Variants in ZBTB38 observed in about 807,000 individuals in gnomAD.
ZBTB38 encodes the protein zinc finger and BTB domain-containing protein 38.
In ZBTB38, 20 loss-of-function variants were observed where a neutral mutation model predicts 76.8. The ratio of observed to expected loss-of-function variants is 0.26; its 90% CI spans 0.18 to 0.38. The LOEUF (loss-of-function observed/expected upper bound fraction) is 0.38. ZBTB38 is among the 10% of genes least tolerant of loss of function. The pLI is 1.00. For synonymous variants in ZBTB38, 504 were observed against 544.2 expected (o/e 0.93, Z 1.03); for missense variants, 1,082 against 1,482.3 (o/e 0.73, Z 4.43).
At chr3:141,370,342 C>G (rs1197183711) in intron 2 of ZBTB38, among the ~76,000 whole-genome samples, 1 of 152,176 alleles carries the variant, frequency 6.6e-6, no homozygotes, top group Non-Finnish European at 1.5e-5. Context: ...ATGGGCTCTG[C>G]CTAGAAGTGG....
chr3:141,390,897 G>A (rs1035385937), intron 4 of ZBTB38, among the ~76,000 whole-genome samples: 3 of 152,336 alleles, frequency 2.0e-5, no homozygotes, highest in Admixed American at 6.5e-5. Flanking sequence ...GCTCATGCCT[G>A]TAACCCCAAC....
At chr3:141,403,488 GA>G (rs1210324940) in intron 4 of ZBTB38, among the ~76,000 whole-genome samples, 1 of 152,228 alleles carries the variant, frequency 6.6e-6, no homozygotes, top group Non-Finnish European at 1.5e-5. Flanking sequence ...GAGAAGAATA[GA>G]AAAAATAACG....
intron 5 of ZBTB38, among the ~76,000 whole-genome samples, chr3:141,434,435 T>C (rs1559958171): frequency 6.6e-6 from 1 of 152,044 alleles, no homozygotes; most frequent in Non-Finnish European, 1.5e-5. Context: ...GTGGGGAGGC[T>C]AGGATGGAGA....
In ZBTB38 at chr3:141,449,592, C is replaced by T. The variant is rs1033897065; in HGVS notation, c.*3616C>T. ...GTGGCTCAGGCAGCACAGTCCATCA[C>T]CAACACAGAGAAAATTACTGCCAGG... is the stretch of plus-strand genomic sequence containing the variant. On this transcript the variant is annotated 3_prime_UTR_variant, in exon 6 of 6. Coordinates refer to ENST00000321464, the MANE Select transcript of ZBTB38 (RefSeq NM_001376113.1). 6.6e-6 allele frequency: 1 copy of T among 152,278 alleles called. No individual in the cohort carries two copies. The highest frequency in any genetic ancestry group is 1.9e-4 in the East Asian group (1 of 5,178). The allele number at this position is 152,278 out of a possible 1,614,324, so 9.4% of individuals were successfully genotyped here. A position where few individuals can be genotyped will look rare whatever the true frequency, so the allele number is the denominator to read the frequency against.
At chr3:141,418,248 G>T (rs367851976) in intron 5 of ZBTB38, among the ~76,000 whole-genome samples, 2 of 152,080 alleles carry the variant, frequency 1.3e-5, no homozygotes, top group African/African-American at 2.4e-5. Flanking sequence ...ATCTCCTAGC[G>T]CAGCCCTGCA....
chr3:141,328,407 A>G (rs1156372804), intron 1 of ZBTB38, among the ~76,000 whole-genome samples: 3 of 151,728 alleles, frequency 2.0e-5, no homozygotes, highest in African/African-American at 7.3e-5. Context: ...TGAAGCCACT[A>G]CTCTTTTCTT....
intron 1 of ZBTB38, among the ~76,000 whole-genome samples, chr3:141,348,580 C>T (rs955286565): frequency 7.2e-5 from 11 of 152,206 alleles, no homozygotes; most frequent in African/African-American, 2.7e-4. Flanking sequence ...GGGCCCTCAA[C>T]TAAAGCAAGT....
chr3:141,330,285 C>T (rs1292342751), intron 1 of ZBTB38, among the ~76,000 whole-genome samples: 7 of 152,216 alleles, frequency 4.6e-5, no homozygotes, highest in African/African-American at 1.7e-4. Flanking sequence ...AATGCGCTCT[C>T]CTGACTAAGG....
intron 5 of ZBTB38, among the ~76,000 whole-genome samples, chr3:141,418,775 T>A (rs2074678643): frequency 2.0e-5 from 3 of 152,248 alleles, no homozygotes; most frequent in Admixed American, 2.0e-4. Flanking sequence ...GGTCTCTATA[T>A]TCACTGCCTT....
At chr3:141,340,991 A>AAAGAAAGAAAGAAAGAAAGAAAGG (rs1553760103) in intron 1 of ZBTB38, among the ~76,000 whole-genome samples, 1 of 98,494 alleles carries the variant, frequency 1.0e-5, no homozygotes, top group Non-Finnish European at 2.4e-5. Context: ...AGAAAGAAAG[A>AAAGAAAGAAAGAAAGAAAGAAAGG]GAAAGAAGAA....
chr3:141,331,107 C>G (rs960868591), intron 1 of ZBTB38, among the ~76,000 whole-genome samples: 2 of 152,236 alleles, frequency 1.3e-5, no homozygotes, highest in African/African-American at 4.8e-5. Flanking sequence ...CTAGCAGCAT[C>G]TCTTTGAACT....
At chr3:141,361,262 C>T (rs918831271) in intron 1 of ZBTB38, among the ~76,000 whole-genome samples, 1 of 151,960 alleles carries the variant, frequency 6.6e-6, no homozygotes, top group Non-Finnish European at 1.5e-5. Flanking sequence ...GCAAAATATT[C>T]TCTGCTTTTT....
intron 2 of ZBTB38, among the ~76,000 whole-genome samples, chr3:141,371,045 C>CTTTTTTTTTT (rs754872291): frequency 0.015 from 1,076 of 71,990 alleles, 165 homozygotes; most frequent in Non-Finnish European, 0.022. Flanking sequence ...TTCTTTCTTT[C>CTTTTTTTTTT]TTTTTTTTTT....
chr3:141,414,897 C>T (rs1413739486), intron 5 of ZBTB38, among the ~76,000 whole-genome samples: 1 of 152,150 alleles, frequency 6.6e-6, no homozygotes, highest in East Asian at 1.9e-4. Context: ...CTTTATTGAC[C>T]TTCCACACAC....
intron 5 of ZBTB38, among the ~76,000 whole-genome samples, chr3:141,421,154 T>G (rs970923777): frequency 5.3e-5 from 8 of 152,148 alleles, no homozygotes; most frequent in African/African-American, 1.9e-4. Flanking sequence ...CACTCCGTTT[T>G]ATAGATGAGG....
Position 141,335,254 on chromosome 3 carries a change from T to G in ZBTB38, c.-739+10798T>G, listed in dbSNP as rs925418. 0.02 allele frequency among the ~76,000 whole-genome samples: 3,088 copies of G among 152,338 alleles called. 162 individuals are homozygous for G. In the East Asian group the frequency reaches 0.22, roughly 11 times the overall value. On this transcript the variant is annotated intron_variant, in intron 1 of 7. Transcript: ENST00000509842. The stretch of plus-strand genomic sequence containing the variant: ...TGTTATGTAGATTTGTTGCGAGCAC[T>G]AAATGACTTAATATTTGTAGTGTTT...
upstream of ZBTB38, chr3:141,366,586 C>G (rs1393325453): frequency 6.6e-6 from 1 of 152,210 alleles, no homozygotes; most frequent in African/African-American, 2.4e-5. Context: ...CTACATGGAA[C>G]AAGTGCAATT....
chr3:141,427,415 A>G (rs192614970), intron 5 of ZBTB38, among the ~76,000 whole-genome samples: 38 of 152,294 alleles, frequency 2.5e-4, no homozygotes, highest in African/African-American at 8.9e-4. Flanking sequence ...TGCCCAGGCT[A>G]GAAGGACATT....
rs910608943 is a variant in ZBTB38, at chr3:141,413,976, G to A, written c.-1+9945G>A. On this transcript the variant is annotated intron_variant, in intron 5 of 5. Transcript: ENST00000321464. This position sits in a 1 kb window ranked among gnomAD's most constrained non-coding sequence, Gnocchi z 4.1. ...CTCAACACCTGTTCTTCATTAGGAC[G>A]GAGCACTCTGAGAGTTTTGAAAACT... 2.6e-5 allele frequency among the ~76,000 whole-genome samples: 4 copies of A among 152,138 alleles called. No homozygotes were observed. The highest frequency in any genetic ancestry group is 5.9e-5 in the Non-Finnish European group (4 of 68,024).
Sources: allele counts gnomAD v4.1 joint callset (sites outside exome capture counted in the v4.1 genomes callset), GRCh38; gene constraint gnomAD v4.1.1; non-coding constraint Gnocchi (gnomAD v3.1); transcripts MANE v1.5; gene names NCBI Gene and HGNC (gene_info 2026-07-23, HGNC 2026-07-21).